The following KDM4C variants were observed in gnomAD, a reference collection of about 807,000 sequenced individuals.
KDM4C encodes lysine-specific demethylase 4C.
Under a neutral mutation model 129.3 loss-of-function variants are expected in KDM4C, and 81 were observed. The observed-to-expected ratio is 0.63, with a 90% CI of 0.52 to 0.75. The LOEUF (loss-of-function observed/expected upper bound fraction) is 0.75. Among genes scored for constraint, KDM4C ranks in the 30% least tolerant of loss-of-function variants. The pLI, the probability that KDM4C is intolerant of heterozygous loss-of-function variation, is 0.00. For synonymous variants in KDM4C, 573 were observed against 456.1 expected, an observed-to-expected ratio of 1.26 and a Z score of -3.26; for missense variants, 1,457 against 1,304.0, an observed-to-expected ratio of 1.12 and a Z score of -1.81.
intron 1 of KDM4C, among the ~76,000 whole-genome samples, chr9:6,785,528 A>G (rs754823283): frequency 2.6e-5 from 4 of 151,934 alleles, no homozygotes; most frequent in East Asian, 1.9e-4. Flanking sequence ...TAGTAGAGAC[A>G]GGGTTTTGCC....
intron 17 of KDM4C, among the ~76,000 whole-genome samples, chr9:7,051,918 C>G (rs528096961): frequency 6.6e-6 from 1 of 152,280 alleles, no homozygotes; most frequent in African/African-American, 2.4e-5. Context: ...TTGTGGAGGA[C>G]TGTCATGTGC....
At chr9:6,731,974 C>T (rs1017047436) in intron 1 of KDM4C, among the ~76,000 whole-genome samples, 172 of 152,204 alleles carry the variant, frequency 1.1e-3, no homozygotes, top group African/African-American at 4.1e-3. Flanking sequence ...ACCAGGGAGA[C>T]TATTATCATC....
At chr9:6,888,380 G>A (rs1845598991) in intron 7 of KDM4C, among the ~76,000 whole-genome samples, 1 of 152,258 alleles carries the variant, frequency 6.6e-6, no homozygotes, top group Non-Finnish European at 1.5e-5. Context: ...TTATGTATAT[G>A]TGATCTATTT....
chr9:6,994,393 C>T (rs114139576), intron 12 of KDM4C, among the ~76,000 whole-genome samples: 1,810 of 152,272 alleles, frequency 0.012, 35 homozygotes, highest in African/African-American at 0.042. Flanking sequence ...TGGAATGTTT[C>T]AATCCCTTGT....
intron 8 of KDM4C, among the ~76,000 whole-genome samples, chr9:6,915,888 G>T (rs966371286): frequency 6.6e-6 from 1 of 152,160 alleles, no homozygotes; most frequent in East Asian, 1.9e-4. Context: ...TGAGAAGCTC[G>T]CAAAGACTCC....
intron 19 of KDM4C, among the ~76,000 whole-genome samples, chr9:7,133,811 A>G (rs141096127): frequency 6.6e-6 from 1 of 152,360 alleles, no homozygotes; most frequent in Non-Finnish European, 1.5e-5. Context: ...GCAAAAGAAA[A>G]TATCCAAGTG....
intron 1 of KDM4C, among the ~76,000 whole-genome samples, chr9:6,762,377 G>T (rs1004270598): frequency 6.6e-6 from 1 of 150,682 alleles, no homozygotes; most frequent in African/African-American, 2.4e-5. Context: ...TCAGTGTGTT[G>T]CTCAGGCTAG....
intron 18 of KDM4C, among the ~76,000 whole-genome samples, chr9:7,113,114 G>A (rs1323817641): frequency 6.6e-6 from 1 of 152,044 alleles, no homozygotes; most frequent in Non-Finnish European, 1.5e-5. Flanking sequence ...CAAAGCAAAG[G>A]GATGGAGTAA....
At chr9:6,878,092 C>G (rs1328164492) in intron 5 of KDM4C, among the ~76,000 whole-genome samples, 1 of 152,140 alleles carries the variant, frequency 6.6e-6, no homozygotes, top group African/African-American at 2.4e-5. Flanking sequence ...AGGAGAGTGA[C>G]CTCTGCTTGA....
In KDM4C at chr9:6,831,823, G is replaced by A. The variant is rs112067035; in HGVS notation, c.435+17078G>A. 4.3e-3 allele frequency among the ~76,000 whole-genome samples: 654 copies of A among 152,252 alleles called. 7 individuals are homozygous for A. The highest frequency in any genetic ancestry group is 0.014 in the African/African-American group (573 of 41,540). On this transcript the variant is annotated intron_variant, in intron 4 of 21. Coordinates refer to ENST00000381309, the MANE Select transcript of KDM4C (RefSeq NM_015061.6). ...ACTCAGTGATGACCGCTGACCTTTC[G>A]TTGGCCAGAAAGAACCCTGTACTGT... is the stretch of plus-strand genomic sequence containing the variant.
intron 13 of KDM4C, 150 bp downstream of exon 13, chr9:7,012,029 C>T (rs934385111): frequency 4.8e-6 from 3 of 624,082 alleles, no homozygotes; most frequent in Non-Finnish European, 8.4e-6. Context: ...GAACCACAAA[C>T]AGTTTCTACA....
chr9:6,907,991 A>AT (rs1191753579), intron 8 of KDM4C, among the ~76,000 whole-genome samples: 10 of 152,036 alleles, frequency 6.6e-5, no homozygotes, highest in Admixed American at 3.3e-4. Flanking sequence ...CGCTTCATAC[A>AT]TTTTTTTTCC....
At chr9:6,740,436 C>A (rs544825815) in intron 1 of KDM4C, among the ~76,000 whole-genome samples, 1 of 152,230 alleles carries the variant, frequency 6.6e-6, no homozygotes, top group Admixed American at 6.5e-5. Flanking sequence ...ATCTCCTGAC[C>A]TTGTGATCCG....
At chr9:6,802,017 A>C (rs957693109) in intron 2 of KDM4C, among the ~76,000 whole-genome samples, 1 of 151,814 alleles carries the variant, frequency 6.6e-6, no homozygotes, top group Non-Finnish European at 1.5e-5. Context: ...AGATAGGAGA[A>C]TTGCTTGAAC....
At chr9:7,111,267 A>C (rs527738481) in intron 18 of KDM4C, among the ~76,000 whole-genome samples, 1 of 152,190 alleles carries the variant, frequency 6.6e-6, no homozygotes, top group Non-Finnish European at 1.5e-5. Context: ...AAATGCTCCA[A>C]AATCTGAAAC....
chr9:6,760,172 A>C (rs892263002), intron 1 of KDM4C, among the ~76,000 whole-genome samples: 2 of 151,730 alleles, frequency 1.3e-5, no homozygotes, highest in African/African-American at 4.8e-5. Context: ...AGATTTGGCT[A>C]TTCTGGACAT....
intron 1 of KDM4C, among the ~76,000 whole-genome samples, chr9:6,777,032 A>T (rs774762647): frequency 6.6e-6 from 1 of 152,078 alleles, no homozygotes; most frequent in Non-Finnish European, 1.5e-5. Flanking sequence ...TGTATTGTCA[A>T]CTTTTCCAGG....
At chr9:6,753,462 T>TG (rs1158334251), upstream of KDM4C, among the ~76,000 whole-genome samples, 1 of 152,196 alleles carries the variant, frequency 6.6e-6, no homozygotes, top group Non-Finnish European at 1.5e-5. Context: ...TTAATTGAGA[T>TG]GGGGTCTCGC....
chr9:7,077,094 A>G lies in KDM4C; in HGVS notation c.2425-26591A>G, dbSNP rs971349684. On this transcript the variant is annotated intron_variant, in intron 17 of 21. Coordinates refer to ENST00000381309, the MANE Select transcript of KDM4C (RefSeq NM_015061.6). The stretch of plus-strand genomic sequence containing the variant: ...ACTATCACTCATTCATCAAAGTTCT[A>G]TCTGGGTGATATATGCTATCGAAAC... 8.1e-6 allele frequency: 8 copies of G among 985,394 alleles called. No individual in the cohort carries two copies. In the East Asian group the frequency reaches 5.7e-4, roughly 70 times the overall value. The allele number at this position is 985,394 out of a possible 1,614,324, so 61.0% of individuals were successfully genotyped here. A position where few individuals can be genotyped will look rare whatever the true frequency, so the allele number is the denominator to read the frequency against.
Sources: allele counts gnomAD v4.1 joint callset (sites outside exome capture counted in the v4.1 genomes callset), GRCh38; gene constraint gnomAD v4.1.1; transcripts MANE v1.5; gene names NCBI Gene and HGNC (gene_info 2026-07-23, HGNC 2026-07-21).